The following SORD variants were observed in gnomAD, a reference collection of about 807,000 sequenced individuals.
SORD encodes sorbitol dehydrogenase, also known as (R,R)-butanediol dehydrogenase.
A neutral mutation model predicts 35.6 loss-of-function variants in SORD; 18 were observed. The observed-to-expected ratio is 0.51, with a 90% CI of 0.35 to 0.75. The LOEUF (loss-of-function observed/expected upper bound fraction) is 0.75, where lower values mean the gene tolerates loss of function less well. Ranked by LOEUF, SORD falls within the 30% of genes least tolerant of loss-of-function variation. The pLI is 0.01. For missense variants in SORD, 250 were observed against 390.2 expected (o/e 0.64, Z 3.03); for synonymous variants, 106 against 152.9 (o/e 0.69, Z 2.26).
At chr15:45,066,563 A>T (rs1893408137) in intron 5 of SORD, among the ~76,000 whole-genome samples, 1 of 152,146 alleles carries the variant, frequency 6.6e-6, no homozygotes, top group Admixed American at 6.5e-5. Context: ...GTGAGCCAGC[A>T]ATCTGCCTGC....
intron 4 of SORD, among the ~76,000 whole-genome samples, chr15:45,063,727 A>C (rs991431629): frequency 6.6e-6 from 1 of 152,204 alleles, no homozygotes; most frequent in African/African-American, 2.4e-5. Flanking sequence ...GTTCCTCAGG[A>C]GGCCCAGATG....
At chr15:45,040,313 CTA>C in intron 1 of SORD, 93 bp from the exon 2 acceptor site, 2 of 867,434 alleles carry the variant, frequency 2.3e-6, no homozygotes, top group South Asian at 3.0e-5. Context: ...AAGAAATAAA[CTA>C]TTGATGAAAC....
chr15:45,068,303 T>C (rs1893440328), intron 6 of SORD, 57 bp downstream of exon 6: 2 of 1,255,408 alleles, frequency 1.6e-6, no homozygotes, highest in Admixed American at 3.4e-5. Context: ...TCCTACTGTA[T>C]GTGCATGTGT....
At chr15:45,057,053 A>G (rs982821244) in intron 3 of SORD, among the ~76,000 whole-genome samples, 3 of 152,244 alleles carry the variant, frequency 2.0e-5, no homozygotes, top group African/African-American at 7.2e-5. Flanking sequence ...TACTCTGGAT[A>G]AGGGCAGAAA....
At chr15:45,056,580 C>G (rs1893220678) in intron 3 of SORD, among the ~76,000 whole-genome samples, 1 of 152,120 alleles carries the variant, frequency 6.6e-6, no homozygotes, top group African/African-American at 2.4e-5. Flanking sequence ...CTTATAGATT[C>G]TATTTGAATT....
chr15:45,027,196 A>C (rs139607844), intron 1 of SORD, among the ~76,000 whole-genome samples: 29,401 of 147,250 alleles, frequency 0.2, no homozygotes, highest in African/African-American at 0.44. Flanking sequence ...TGAGAGTTGG[A>C]GGGAGGAAAA....
intron 3 of SORD, among the ~76,000 whole-genome samples, chr15:45,055,757 C>G (rs937281451): frequency 1.3e-5 from 2 of 152,172 alleles, no homozygotes; most frequent in African/African-American, 4.8e-5. Flanking sequence ...TACTGGCAAA[C>G]CAAATCCAGC....
At chr15:45,032,453 A>C (rs1043715915) in intron 1 of SORD, among the ~76,000 whole-genome samples, 4 of 151,980 alleles carry the variant, frequency 2.6e-5, no homozygotes, top group Non-Finnish European at 4.4e-5. Flanking sequence ...TCCAAACCTA[A>C]GTGTCTCGTA....
In SORD at chr15:45,065,303, C is replaced by T. The variant is rs145813597; in HGVS notation, c.458C>T (p.Ala153Val). ...LPDNVTFEEG[A>V]LIEPLSVGIH... Reference sequence around the variant, plus strand: ...GACAATGTCACCTTTGAGGAAGGCGCCCTGATCGAGCCACTTTCTGTGGGG... The same window carrying T: ...GACAATGTCACCTTTGAGGAAGGCGTCCTGATCGAGCCACTTTCTGTGGGG... Residue 153 changes from alanine to valine, a missense_variant, in exon 5 of 9, where the codon GCC becomes GTC. Around this residue, in one of 8 missense-constraint regions of SORD, gnomAD observed 126 missense variants for 148.7 expected, o/e 0.85. Coordinates refer to ENST00000267814, the MANE Select transcript of SORD (RefSeq NM_003104.6). 6.2e-7 allele frequency: 1 copy of T among 1,614,032 alleles called. No homozygotes were observed. Among genetic ancestry groups the T allele is most frequent in the East Asian group, 2.2e-5 (1 of 44,888 alleles).
intron 1 of SORD, among the ~76,000 whole-genome samples, chr15:45,029,839 A>G (rs1458012484): frequency 6.6e-6 from 1 of 152,262 alleles, no homozygotes; most frequent in Non-Finnish European, 1.5e-5. Flanking sequence ...TCATCTTCCC[A>G]GAAGTCAGGT....
intron 1 of SORD, chr15:45,036,259 C>T (rs529623613): frequency 9.0e-6 from 4 of 446,326 alleles, no homozygotes; most frequent in East Asian, 7.1e-5. Context: ...CCACCAATTC[C>T]GGACACAAAG....
At chr15:45,040,975 T>G (rs879128282) in intron 2 of SORD, among the ~76,000 whole-genome samples, 8 of 152,202 alleles carry the variant, frequency 5.3e-5, no homozygotes, top group South Asian at 2.1e-4. Context: ...GCTGCATGGG[T>G]CCCTGTCCCC....
chr15:45,056,948 G>GT (rs1893227970), intron 3 of SORD, among the ~76,000 whole-genome samples: 1 of 152,188 alleles, frequency 6.6e-6, no homozygotes, highest in Admixed American at 6.5e-5. Context: ...GATCCCACGT[G>GT]TTAAACCATG....
At chr15:45,042,220 G>C (rs1018308411) in intron 2 of SORD, 1 of 152,172 alleles carries the variant, frequency 6.6e-6, no homozygotes, top group Non-Finnish European at 1.5e-5. Flanking sequence ...GGCCAGGCGC[G>C]GTGGCTTAGG....
chr15:45,036,473 A>C (rs776706785), intron 1 of SORD: 172 of 392,452 alleles, frequency 4.4e-4, no homozygotes, highest in Non-Finnish European at 6.8e-4. Context: ...AGGCAGATCA[A>C]TTGAGGCCAG....
intron 4 of SORD, among the ~76,000 whole-genome samples, 173 bp downstream of exon 4, chr15:45,061,399 A>G (rs541636763): frequency 6.6e-6 from 1 of 152,342 alleles, no homozygotes; most frequent in East Asian, 1.9e-4. Context: ...CTCCCTAGGA[A>G]TAAGACTGAC....
At chr15:45,055,875 C>T (rs1413115741) in intron 3 of SORD, among the ~76,000 whole-genome samples, 1 of 151,950 alleles carries the variant, frequency 6.6e-6, no homozygotes. Flanking sequence ...ATAAACAGAA[C>T]CAAAGACAAA....
intron 1 of SORD, among the ~76,000 whole-genome samples, chr15:45,027,596 C>G (rs973551166): frequency 9.8e-5 from 15 of 152,376 alleles, no homozygotes; most frequent in African/African-American, 3.1e-4. Flanking sequence ...GGCCTTCAAA[C>G]ACATGAACAG....
intron 1 of SORD, among the ~76,000 whole-genome samples, chr15:45,031,275 G>T (rs1234829437): frequency 1.3e-5 from 2 of 152,048 alleles, no homozygotes; most frequent in Admixed American, 6.6e-5. Flanking sequence ...CTATTAATGT[G>T]CCAGCCTGGG....
Sources: gnomAD v4.1 joint callset for allele counts (sites outside exome capture counted in the v4.1 genomes callset) on GRCh38, gnomAD v4.1.1 for gene constraint, gnomAD v4.1.1 regional missense constraint, MANE v1.5 for transcripts, NCBI Gene and HGNC (gene_info 2026-07-23, HGNC 2026-07-21) for gene names.